Variants in MAP3K12 observed in about 807,000 individuals in gnomAD.
MAP3K12 encodes the protein MAPK-upstream kinase.
MAP3K12 carries 14 observed loss-of-function variants against 87.5 expected under a neutral mutation model. The ratio of observed to expected loss-of-function variants is 0.16; its 90% CI spans 0.11 to 0.25. The LOEUF (loss-of-function observed/expected upper bound fraction) is 0.25, where lower values mean the gene tolerates loss of function less well. MAP3K12 is among the 10% of genes least tolerant of loss of function. The pLI is 1.00. For missense variants in MAP3K12, 802 were observed against 1,140.4 expected (o/e 0.70, Z 4.27); for synonymous variants, 469 against 452.5 (o/e 1.04, Z -0.46).
At position 53,481,840 on chromosome 12, in the gene MAP3K12, T is replaced by G. The variant is rs1461897774; in HGVS notation, c.2580+101A>C. The G allele has an allele frequency of 3.5e-6, 5 of 1,424,552 alleles. No individual in the cohort carries two copies. The East Asian group carries it at 6.9e-5, about 20-fold the overall frequency. 88.2% of individuals were successfully genotyped at this position (1,424,552 alleles called of 1,614,324 possible). ...TGGATATTTGCTCTTTATGGTACTT[T>G]CTGGCCTGTGCAGCTGTCTCCCCAA... On this transcript the variant is annotated intron_variant, in intron 13 of 13. Transcript: ENST00000547488.
At chr12:53,491,504 G>A (rs985491688) in intron 1 of MAP3K12, among the ~76,000 whole-genome samples, 2 of 148,268 alleles carry the variant, frequency 1.3e-5, no homozygotes, top group Admixed American at 6.7e-5. Flanking sequence ...CACGATCTCC[G>A]CTCACTGCAA....
At position 53,482,877 on chromosome 12, in the gene MAP3K12, CGAT is replaced by C; in HGVS notation, c.1923_1925del (p.Ser643del). On this transcript the variant is annotated inframe_deletion, in exon 11 of 14. Transcript: ENST00000547488. ...GTGCTGCTGACAGCAGGTCTGGGGA[CGAT>C]GAAGACATTTTGCGGAGCAGGAGGT... 6.2e-7 allele frequency: 1 copy of C among 1,612,754 alleles called. No homozygotes were observed. The highest frequency in any genetic ancestry group is 8.5e-7 in the Non-Finnish European group (1 of 1,179,836).
Position 53,481,234 on chromosome 12 carries a change from TC to T in MAP3K12, c.2626del (p.Asp876ThrfsTer66). 1 of 1,566,824 alleles carries T rather than the reference TC, an allele frequency of 6.4e-7. No individual in the cohort carries two copies. The highest frequency in any genetic ancestry group is 1.2e-5 in the South Asian group (1 of 85,014). On this transcript the variant is annotated frameshift_variant, in exon 14 of 14. Transcript: ENST00000547488. LOFTEE classifies it high-confidence loss of function. ...EDSDCDSTEL[D>X]NSNSVDALRP... ...CAAGGCATCAACGCTGTTGGAGTTGTCCAATTCAGTGCTGTCACAGTCTGAG... is the reference window on the plus strand; with the variant it reads ...CAAGGCATCAACGCTGTTGGAGTTGTCAATTCAGTGCTGTCACAGTCTGAG...
Position 53,482,121 on chromosome 12 carries a change from A to G in MAP3K12, c.2400T>C (p.Pro800=), listed in dbSNP as rs368750484. Residue 800 remains proline (P), a synonymous_variant, in exon 13 of 14, where the codon CCT becomes CCC. Coordinates refer to ENST00000547488, the MANE Select transcript of MAP3K12 (RefSeq NM_001193511.2). Reference sequence around the variant, plus strand: ...CAACTTCAGGTGTGCCACTGGGGGAAGGTTCACTAGCTGTGCCTTCCTCCC... The same window carrying G: ...CAACTTCAGGTGTGCCACTGGGGGAGGGTTCACTAGCTGTGCCTTCCTCCC... ...SDGEEGTASE[P]SPSGTPEVGS... 150 of 1,614,070 alleles carry G rather than the reference A, an allele frequency of 9.3e-5. No homozygotes were observed. The highest frequency in any genetic ancestry group is 1.2e-4 in the Non-Finnish European group (138 of 1,180,040).
At chr12:53,487,979 C>T in intron 1 of MAP3K12, 1 of 153,874 alleles carries the variant, frequency 6.5e-6, no homozygotes. Context: ...TCTTGAGCTG[C>T]CTACACACAG....
intron 4 of MAP3K12, chr12:53,485,723 T>A (rs1943211097): frequency 2.0e-6 from 1 of 512,204 alleles, no homozygotes; most frequent in Admixed American, 3.7e-5. Flanking sequence ...GCCTGACTAA[T>A]TTTTTTGTAT....
At chr12:53,492,647 T>G in intron 1 of MAP3K12, among the ~76,000 whole-genome samples, 1 of 151,834 alleles carries the variant, frequency 6.6e-6, no homozygotes. Context: ...AGGTAAGGTG[T>G]AGGTTGCAAT....
Position 53,485,229 on chromosome 12 carries a change from A to G in MAP3K12, c.981-15T>C. Reference sequence around the variant, plus strand: ...CGCCAAAGGACCTAGGGATGAGGGGACATCACTTGTGCTCAAGCCCTAGAA... The same window carrying G: ...CGCCAAAGGACCTAGGGATGAGGGGGCATCACTTGTGCTCAAGCCCTAGAA... On this transcript the variant is annotated splice_polypyrimidine_tract_variant and intron_variant, in intron 5 of 13. Transcript: ENST00000547488. 1.9e-6 allele frequency: 3 copies of G among 1,605,580 alleles called. No individual in the cohort carries two copies. The highest frequency in any genetic ancestry group is 2.6e-6 in the Non-Finnish European group (3 of 1,174,846).
At position 53,484,376 on chromosome 12, in the gene MAP3K12, T is replaced by G. The variant is rs1943166739; in HGVS notation, c.1140-11A>C. 1.2e-6 allele frequency: 2 copies of G among 1,608,208 alleles called. No homozygotes were observed. Among genetic ancestry groups the G allele is most frequent in the Non-Finnish European group, 1.7e-6 (2 of 1,174,678 alleles). ...CGTGGTTTGCTATTCCTGAAAGGAATGGAGTTAGGAAGGAGAGGGGAGAAT... is the reference window on the plus strand; with the variant it reads ...CGTGGTTTGCTATTCCTGAAAGGAAGGGAGTTAGGAAGGAGAGGGGAGAAT... On this transcript the variant is annotated splice_polypyrimidine_tract_variant and intron_variant, in intron 6 of 13. Coordinates refer to ENST00000547488, the MANE Select transcript of MAP3K12 (RefSeq NM_001193511.2).
chr12:53,486,017 C>G lies in MAP3K12; in HGVS notation c.821+39G>C. 1 of 1,563,416 alleles carries G rather than the reference C, an allele frequency of 6.4e-7. No individual in the cohort carries two copies. The highest frequency in any genetic ancestry group is 1.3e-5 in the African/African-American group (1 of 74,236). On this transcript the variant is annotated intron_variant, in intron 4 of 13. Transcript: ENST00000547488. The surrounding 1 kb of genome is among the most constrained non-coding windows in gnomAD (Gnocchi z 4.9). The stretch of plus-strand genomic sequence containing the variant: ...AGGCCACACTGACTTGAGTGGGTCA[C>G]CTGCATGCACATCTGTTGCTCCCTG...
chr12:53,483,706 C>T lies in MAP3K12; in HGVS notation c.1376G>A (p.Arg459Lys), dbSNP rs1166348155. ...REELRHALDI[R>K]EHYERKLERA... Reference sequence around the variant, plus strand: ...CTCCAGCTTCCTTTCATAGTGCTCCCTGATGTCCAGGGCGTGTCTGCAACG... The same window carrying T: ...CTCCAGCTTCCTTTCATAGTGCTCCTTGATGTCCAGGGCGTGTCTGCAACG... Residue 459 changes from arginine to lysine, a missense_variant, in exon 9 of 14, where the codon AGG becomes AAG. By Grantham distance (26) the Arg-to-Lys change is conservative (BLOSUM62 2). Coordinates refer to ENST00000547488, the MANE Select transcript of MAP3K12 (RefSeq NM_001193511.2). The T allele has an allele frequency of 6.2e-7, 1 of 1,613,962 alleles. No individual in the cohort carries two copies. Among genetic ancestry groups the T allele is most frequent in the South Asian group, 1.1e-5 (1 of 91,070 alleles).
chr12:53,493,683 TG>T (rs1245742231), intron 1 of MAP3K12: 1 of 152,118 alleles, frequency 6.6e-6, no homozygotes, highest in African/African-American at 2.4e-5. Context: ...AGCCGAGCTT[TG>T]AGTAGGCACA....
chr12:53,482,261 A>T (rs752522374), intron 12 of MAP3K12, 38 bp downstream of exon 12: 10 of 1,614,016 alleles, frequency 6.2e-6, no homozygotes, highest in Non-Finnish European at 3.4e-6. Context: ...CTAGCAGAAA[A>T]CAAGAATGCC....
At chr12:53,484,159 T>C (rs903964592) in intron 7 of MAP3K12, 98 bp downstream of exon 7, 2 of 1,367,490 alleles carry the variant, frequency 1.5e-6, no homozygotes, top group African/African-American at 1.4e-5. Context: ...AGCCAATCTC[T>C]TCAGTCCCAC....
rs761238545 is a variant in MAP3K12 at position 53,483,952 on chromosome 12, G to A, written c.1317C>T (p.Arg439=). 6 of 1,614,110 alleles carry A rather than the reference G, an allele frequency of 3.7e-6. No homozygotes were observed. In the South Asian group the frequency reaches 6.6e-5, roughly 18 times the overall value. Residue 439 remains arginine, a synonymous_variant, in exon 8 of 14, where the codon CGC becomes CGT. Coordinates refer to ENST00000547488, the MANE Select transcript of MAP3K12 (RefSeq NM_001193511.2). ...KIKSEGTCLH[R]LEEELVMRRR... ...TCCTCATCACCAGTTCCTCTTCTAGGCGGTGCAGACAGGTCCCTTCTGACT... is the reference window on the plus strand; with the variant it reads ...TCCTCATCACCAGTTCCTCTTCTAGACGGTGCAGACAGGTCCCTTCTGACT...
chr12:53,485,553 G>A (rs1943205317), intron 4 of MAP3K12, 78 bp from the exon 5 acceptor site: 1 of 1,506,782 alleles, frequency 6.6e-7, no homozygotes, highest in Non-Finnish European at 9.0e-7. Context: ...CTGCCTTTCA[G>A]GTTTTTTTGT....
At chr12:53,484,423 A>G in intron 6 of MAP3K12, 58 bp from the exon 7 acceptor site, 1 of 1,281,224 alleles carries the variant, frequency 7.8e-7, no homozygotes, top group Non-Finnish European at 1.1e-6. Context: ...TCAGATAGGA[A>G]CTGGAGCATC....
rs1943605937 is a variant in MAP3K12, at chr12:53,498,951, T to TGGAGATG, written c.-38+475_-38+476insCATCTCC. On this transcript the variant is annotated intron_variant, in intron 1 of 13. Coordinates refer to ENST00000547488, the MANE Select transcript of MAP3K12 (RefSeq NM_001193511.2). The stretch of plus-strand genomic sequence containing the variant: ...GTGTGTGTGTGTGTGTGTGTGTGTG[T>TGGAGATG]GTGTGTGTGTGTGTGTGTGTGTGTG... 1.2e-3 allele frequency among the ~76,000 whole-genome samples: 30 copies of TGGAGATG among 24,368 alleles called. 1 individual carries two copies. The East Asian group carries it at 0.065, about 52-fold the overall frequency. 16.0% of individuals were successfully genotyped at this position (24,368 alleles called of 152,430 possible).
rs200470351 is a variant in MAP3K12, at chr12:53,482,543, T to C, written c.2238+22A>G. 9 of 1,597,340 alleles carry C rather than the reference T, an allele frequency of 5.6e-6. No individual in the cohort carries two copies. The Admixed American group carries it at 1.4e-4, about 25-fold the overall frequency. The stretch of plus-strand genomic sequence containing the variant: ...AGGATAAGGAAAAAGGGAAAGAGCT[T>C]GGGAGCCTTCCCATACTTTACCTGA... On this transcript the variant is annotated intron_variant, in intron 11 of 13. Transcript: ENST00000547488.
Sources: gnomAD v4.1 joint callset for allele counts (sites outside exome capture counted in the v4.1 genomes callset) on GRCh38, gnomAD v4.1.1 for gene constraint, Gnocchi (gnomAD v3.1) non-coding constraint, MANE v1.5 for transcripts, NCBI Gene and HGNC (gene_info 2026-07-23, HGNC 2026-07-21) for gene names.